EPB41L2: variants seen among roughly 807,000 people sequenced by gnomAD.
EPB41L2 encodes the protein erythrocyte membrane protein band 4.1 like 2, also known as band 4.1-like protein 2.
Under a neutral mutation model 113.0 loss-of-function variants are expected in EPB41L2, and 43 were observed. That is an observed-to-expected ratio of 0.38 (90% CI 0.30 to 0.49). The LOEUF is 0.49. Among genes scored for constraint, EPB41L2 ranks in the 20% least tolerant of loss-of-function variants. EPB41L2 has a pLI of 0.95. For missense variants in EPB41L2, 1,147 were observed against 1,223.4 expected, an observed-to-expected ratio of 0.94 and a Z score of 0.93; for synonymous variants, 442 against 436.7, an observed-to-expected ratio of 1.01 and a Z score of -0.15.
intron 3 of EPB41L2, among the ~76,000 whole-genome samples, chr6:130,930,729 G>A (rs887844446): frequency 1.3e-5 from 2 of 151,968 alleles, no homozygotes; most frequent in Non-Finnish European, 2.9e-5. Flanking sequence ...AAACGACAAG[G>A]AAACCAGACA....
intron 19 of EPB41L2, among the ~76,000 whole-genome samples, chr6:130,847,205 A>G (rs556269535): frequency 6.6e-6 from 1 of 152,198 alleles, no homozygotes; most frequent in African/African-American, 2.4e-5. Context: ...CCCAATCTCC[A>G]ACTATCCAGA....
chr6:131,022,696 G>T (rs1043925872), intron 1 of EPB41L2, among the ~76,000 whole-genome samples: 1 of 152,282 alleles, frequency 6.6e-6, no homozygotes, highest in Non-Finnish European at 1.5e-5. Context: ...AGTAAACTGT[G>T]CTCGCTGCTA....
At chr6:130,990,571 G>C (rs1380546932) in intron 1 of EPB41L2, among the ~76,000 whole-genome samples, 4 of 152,120 alleles carry the variant, frequency 2.6e-5, no homozygotes. Flanking sequence ...CTATTTTAAA[G>C]ATAAAAATAT....
At chr6:130,843,911 A>G (rs1776238874) in intron 19 of EPB41L2, among the ~76,000 whole-genome samples, 1 of 152,204 alleles carries the variant, frequency 6.6e-6, no homozygotes, top group Non-Finnish European at 1.5e-5. Flanking sequence ...GCACCCAATG[A>G]GCAGTGGTGA....
At chr6:130,943,979 T>C (rs541578452) in intron 3 of EPB41L2, among the ~76,000 whole-genome samples, 2 of 152,282 alleles carry the variant, frequency 1.3e-5, no homozygotes, top group South Asian at 4.1e-4. Flanking sequence ...GTAACTTCTA[T>C]ATGGCTCTCA....
At chr6:130,987,833 C>T (rs1313100298) in intron 1 of EPB41L2, among the ~76,000 whole-genome samples, 1 of 150,444 alleles carries the variant, frequency 6.6e-6, no homozygotes, top group Non-Finnish European at 1.5e-5. Context: ...CTCAGGTGGG[C>T]TAGGTGCAGT....
chr6:130,951,312 CTTTTTTTTTTT>C (rs34082234), intron 3 of EPB41L2, among the ~76,000 whole-genome samples: 16 of 50,844 alleles, frequency 3.1e-4, no homozygotes, highest in East Asian at 7.1e-4. Flanking sequence ...AGCCTCAGTA[CTTTTTTTTTTT>C]TTTTTTTTTT....
rs1032111872 is a variant in EPB41L2 at position 130,870,250 on chromosome 6, A to G, written c.2044-124T>C. The G allele has an allele frequency of 1.2e-5, 19 of 1,531,808 alleles. No individual in the cohort carries two copies. In the African/African-American group the frequency reaches 2.5e-4, roughly 20 times the overall value. The allele number at this position is 1,531,808 out of a possible 1,614,324, so 94.9% of individuals were successfully genotyped here. A position where few individuals can be genotyped will look rare whatever the true frequency, so the allele number is the denominator to read the frequency against. The stretch of plus-strand genomic sequence containing the variant: ...AAAACAAAGATGATTATGATGGCTG[A>G]CTGAAAGGGAAGCGGGGCAAACGTG... On this transcript the variant is annotated intron_variant, in intron 14 of 19. Coordinates refer to ENST00000337057, the MANE Select transcript of EPB41L2 (RefSeq NM_001431.4).
At chr6:130,880,277 A>G in intron 12 of EPB41L2, 71 bp from the exon 13 acceptor site, 1 of 1,076,264 alleles carries the variant, frequency 9.3e-7, no homozygotes, top group Admixed American at 1.8e-5. Context: ...CAAGCACCAA[A>G]ATGACCCAGA....
chr6:131,024,649 C>A lies in EPB41L2; in HGVS notation c.-15+38506G>T, dbSNP rs546387210. 3.6e-3 allele frequency among the ~76,000 whole-genome samples: 537 copies of A among 151,192 alleles called. 2 individuals carry two copies. Among genetic ancestry groups the A allele is most frequent in the African/African-American group, 0.013 (521 of 40,930 alleles). Reference sequence around the variant, plus strand: ...ACCGTGTCTTACTCAAGTTATCTCCCAGATGTCTACTAACATAATTCCCTT... The same window carrying A: ...ACCGTGTCTTACTCAAGTTATCTCCAAGATGTCTACTAACATAATTCCCTT... On this transcript the variant is annotated intron_variant, in intron 1 of 19. Coordinates refer to ENST00000337057, the MANE Select transcript of EPB41L2 (RefSeq NM_001431.4).
chr6:131,035,897 T>C (rs1400611267), intron 1 of EPB41L2, among the ~76,000 whole-genome samples: 1 of 152,174 alleles, frequency 6.6e-6, no homozygotes, highest in Non-Finnish European at 1.5e-5. Flanking sequence ...ATTTAAAAAA[T>C]GGCACCAAAG....
intron 1 of EPB41L2, among the ~76,000 whole-genome samples, chr6:131,051,826 T>C (rs1796621199): frequency 6.6e-6 from 1 of 152,146 alleles, no homozygotes; most frequent in Admixed American, 6.5e-5. Flanking sequence ...GAGAAAGACA[T>C]TTTAAGACAT....
chr6:130,953,753 G>A (rs1269393075), intron 3 of EPB41L2, among the ~76,000 whole-genome samples: 2 of 151,936 alleles, frequency 1.3e-5, no homozygotes, highest in South Asian at 2.1e-4. Flanking sequence ...TGTAACTGAG[G>A]TTGAAGGGAG....
At chr6:130,896,973 G>A (rs1230977423) in intron 8 of EPB41L2, among the ~76,000 whole-genome samples, 2 of 152,086 alleles carry the variant, frequency 1.3e-5, no homozygotes, top group Non-Finnish European at 2.9e-5. Flanking sequence ...GGCTGACTAT[G>A]TCCCTCTGAC....
chr6:130,964,617 TAGAG>T (rs1017547939), intron 1 of EPB41L2, among the ~76,000 whole-genome samples: 1 of 152,076 alleles, frequency 6.6e-6, no homozygotes, highest in South Asian at 2.1e-4. Context: ...TGTCATCACA[TAGAG>T]ATTCTGCCAA....
chr6:130,843,271 T>C (rs1418667250), intron 19 of EPB41L2, among the ~76,000 whole-genome samples: 1 of 152,204 alleles, frequency 6.6e-6, no homozygotes, highest in Non-Finnish European at 1.5e-5. Context: ...TACTTTTCTG[T>C]CCTCTGGCAG....
At chr6:130,937,331 C>G (rs1347131365) in intron 3 of EPB41L2, among the ~76,000 whole-genome samples, 1 of 152,176 alleles carries the variant, frequency 6.6e-6, no homozygotes, top group East Asian at 1.9e-4. Flanking sequence ...AACCATGAGG[C>G]AGTCAGCAAA....
At chr6:130,992,880 T>A (rs1782212467) in intron 1 of EPB41L2, among the ~76,000 whole-genome samples, 1 of 152,076 alleles carries the variant, frequency 6.6e-6, no homozygotes, top group South Asian at 2.1e-4. Context: ...GCTTCCAGCC[T>A]CCCAAAGTGC....
intron 1 of EPB41L2, among the ~76,000 whole-genome samples, chr6:130,963,708 T>C (rs905662721): frequency 1.3e-5 from 2 of 152,176 alleles, no homozygotes; most frequent in African/African-American, 2.4e-5. Context: ...ATCTTGGAAA[T>C]AGATACGATT....
Sources: gnomAD v4.1 joint callset for allele counts (sites outside exome capture counted in the v4.1 genomes callset) on GRCh38, gnomAD v4.1.1 for gene constraint, MANE v1.5 for transcripts, NCBI Gene and HGNC (gene_info 2026-07-23, HGNC 2026-07-21) for gene names.